Variants in PALLD observed in about 807,000 individuals in gnomAD.
PALLD encodes palladin.
A neutral mutation model predicts 123.5 loss-of-function variants in PALLD; 61 were observed. The observed-to-expected ratio is 0.49, with a 90% CI of 0.40 to 0.61. The LOEUF (loss-of-function observed/expected upper bound fraction) is 0.61. Ranked by LOEUF, PALLD falls within the 20% of genes least tolerant of loss-of-function variation. The pLI, the probability that PALLD is intolerant of heterozygous loss-of-function variation, is 0.00. For missense variants in PALLD, 1,273 were observed against 1,377.0 expected (o/e 0.92, Z 1.20); for synonymous variants, 465 against 496.4 (o/e 0.94, Z 0.84).
At chr4:168,563,049 G>C (rs531667275) in intron 2 of PALLD, among the ~76,000 whole-genome samples, 85 of 152,310 alleles carry the variant, frequency 5.6e-4, no homozygotes, top group African/African-American at 2.0e-3. Flanking sequence ...AAGATTGTTT[G>C]TGGGGAGTGG....
At chr4:168,746,286 C>G (rs1053008323) in intron 10 of PALLD, among the ~76,000 whole-genome samples, 7 of 144,772 alleles carry the variant, frequency 4.8e-5, no homozygotes, top group African/African-American at 1.8e-4. Context: ...GAGGCTGAGG[C>G]AGGAGAATGG....
chr4:168,610,675 G>A (rs984620080), intron 2 of PALLD, among the ~76,000 whole-genome samples: 7 of 150,328 alleles, frequency 4.7e-5, no homozygotes, highest in African/African-American at 1.5e-4. Context: ...ACTTCCATTC[G>A]GGGCCAGCAC....
intron 2 of PALLD, among the ~76,000 whole-genome samples, chr4:168,585,817 T>G (rs1049770458): frequency 6.6e-6 from 1 of 152,112 alleles, no homozygotes; most frequent in African/African-American, 2.4e-5. Context: ...AGAGTTAGCT[T>G]GGGGAATCTT....
At chr4:168,774,496 G>A (rs1216668865) in intron 10 of PALLD, among the ~76,000 whole-genome samples, 1 of 152,116 alleles carries the variant, frequency 6.6e-6, no homozygotes, top group Non-Finnish European at 1.5e-5. Context: ...GGGAGGCCAA[G>A]GCAGGCGGAT....
In PALLD at chr4:168,784,210, G is replaced by A. The variant is rs141425155; in HGVS notation, c.1964+72287G>A. ...ACCAATGAAGAGAAAAAATGTAAAA[G>A]TGGTCCCAGCCGCTTGGGAGAATGA... On this transcript the variant is annotated intron_variant, in intron 10 of 21. Coordinates refer to ENST00000505667, the MANE Select transcript of PALLD (RefSeq NM_001166108.2). 6.1e-3 allele frequency among the ~76,000 whole-genome samples: 926 copies of A among 152,212 alleles called. 11 individuals are homozygous for A. Among genetic ancestry groups the A allele is most frequent in the African/African-American group, 0.02 (837 of 41,544 alleles).
In PALLD at chr4:168,925,277, A is replaced by G. The variant is rs776938487; in HGVS notation, c.*31A>G. 1 of 1,602,274 alleles carries G rather than the reference A, an allele frequency of 6.2e-7. No individual in the cohort carries two copies. On this transcript the variant is annotated splice_region_variant and 3_prime_UTR_variant, in exon 21 of 22. Transcript: ENST00000505667. The stretch of plus-strand genomic sequence containing the variant: ...AACCACACCAGGAGAACAAATACCC[A>G]AGTATCATTCAGGAACTTTGAATTA...
At chr4:168,751,948 T>G (rs1731117905) in intron 10 of PALLD, among the ~76,000 whole-genome samples, 1 of 152,220 alleles carries the variant, frequency 6.6e-6, no homozygotes, top group Non-Finnish European at 1.5e-5. Context: ...AACACTGTTC[T>G]GAGAATTACA....
chr4:168,762,543 G>A (rs2150451081), intron 10 of PALLD, among the ~76,000 whole-genome samples: 1 of 152,340 alleles, frequency 6.6e-6, no homozygotes, highest in East Asian at 1.9e-4. Context: ...TGGAGAGGAT[G>A]TGGAGAAATA....
chr4:168,631,949 G>C, intron 2 of PALLD: 1 of 976,158 alleles, frequency 1.0e-6, no homozygotes, highest in South Asian at 4.7e-5. Context: ...ATAAAGCTTT[G>C]CAGCCTTTCC....
intron 2 of PALLD, among the ~76,000 whole-genome samples, chr4:168,599,900 TCACACA>T (rs10546577): frequency 1.3e-5 from 2 of 151,734 alleles, no homozygotes; most frequent in Non-Finnish European, 2.9e-5. Flanking sequence ...TGTGTGTATA[TCACACA>T]CACACACATA....
chr4:168,605,903 T>C (rs1310307916), intron 2 of PALLD, among the ~76,000 whole-genome samples: 4 of 152,158 alleles, frequency 2.6e-5, no homozygotes, highest in Non-Finnish European at 4.4e-5. Flanking sequence ...AATGTCAATA[T>C]AGATTTTTAT....
At chr4:168,768,888 A>G (rs991150518) in intron 10 of PALLD, among the ~76,000 whole-genome samples, 2 of 142,966 alleles carry the variant, frequency 1.4e-5, no homozygotes, top group African/African-American at 2.6e-5. Context: ...GCTGGCAGTG[A>G]TGCCATCTCA....
intron 2 of PALLD, among the ~76,000 whole-genome samples, chr4:168,587,142 G>A (rs955032836): frequency 6.6e-6 from 1 of 152,174 alleles, no homozygotes; most frequent in African/African-American, 2.4e-5. Context: ...CAAAATGCCT[G>A]CAGTGCTGAT....
At chr4:168,760,232 G>GGGTT (rs1732636147) in intron 10 of PALLD, among the ~76,000 whole-genome samples, 1 of 151,926 alleles carries the variant, frequency 6.6e-6, no homozygotes, top group Non-Finnish European at 1.5e-5. Flanking sequence ...CTTGGCTGCA[G>GGGTT]GGTTGTCAGG....
chr4:168,839,561 T>C (rs1400122660), intron 10 of PALLD, among the ~76,000 whole-genome samples: 1 of 116,916 alleles, frequency 8.6e-6, no homozygotes, highest in Non-Finnish European at 1.7e-5. Flanking sequence ...CTACAAGTGG[T>C]GTTGGTGGGA....
chr4:168,509,725 C>A (rs1762354497), intron 1 of PALLD, among the ~76,000 whole-genome samples: 1 of 152,092 alleles, frequency 6.6e-6, no homozygotes, highest in African/African-American at 2.4e-5. Flanking sequence ...TCTAATAATT[C>A]AGGCACAAAA....
intron 3 of PALLD, among the ~76,000 whole-genome samples, chr4:168,676,234 C>T (rs921621060): frequency 1.1e-4 from 17 of 151,770 alleles, no homozygotes; most frequent in Non-Finnish European, 1.6e-4. Flanking sequence ...TGTCATTAAA[C>T]GTTCTTTAAA....
intron 2 of PALLD, among the ~76,000 whole-genome samples, chr4:168,658,850 A>C (rs1778859932): frequency 6.6e-6 from 1 of 152,218 alleles, no homozygotes; most frequent in Non-Finnish European, 1.5e-5. Flanking sequence ...AATTTCAAAA[A>C]GCCAATCTAT....
chr4:168,681,660 T>G (rs1424265264), intron 4 of PALLD, among the ~76,000 whole-genome samples: 1 of 151,328 alleles, frequency 6.6e-6, no homozygotes, highest in Admixed American at 6.6e-5. Context: ...TCCTCCTACT[T>G]TAGCCTCCCA....
Sources: allele counts gnomAD v4.1 joint callset (sites outside exome capture counted in the v4.1 genomes callset), GRCh38; gene constraint gnomAD v4.1.1; transcripts MANE v1.5; gene names NCBI Gene and HGNC (gene_info 2026-07-23, HGNC 2026-07-21).